Variants in AMPD3 observed in about 807,000 individuals in gnomAD.
The protein encoded by AMPD3 is AMP deaminase 3.
A neutral mutation model predicts 82.3 loss-of-function variants in AMPD3; 57 were observed. The observed-to-expected ratio is 0.69, with a 90% CI of 0.56 to 0.86. The LOEUF (loss-of-function observed/expected upper bound fraction) is 0.86. AMPD3 is among the 40% of genes least tolerant of loss of function. The pLI is 0.00. For synonymous variants in AMPD3, 381 were observed against 394.7 expected (o/e 0.97, Z 0.41); for missense variants, 870 against 1,003.8 (o/e 0.87, Z 1.80).
intron 2 of AMPD3, chr11:10,473,583 C>T: frequency 5.1e-6 from 5 of 985,394 alleles, no homozygotes; most frequent in Non-Finnish European, 6.0e-6. Context: ...CAAAGTTACA[C>T]CCACCTGGCC....
rs1378750965 is a variant in AMPD3, at chr11:10,456,739, GC to G, written c.-6+1292del. ...AACATGCAGCTGGAGCTGAAGCTCT[GC>G]TTGGCATCTGCAGAGTGAGCTTTCC... On this transcript the variant is annotated intron_variant, in intron 1 of 14. Coordinates refer to ENST00000396553, the MANE Select transcript of AMPD3 (RefSeq NM_001025389.2). This position sits in a 1 kb window ranked among gnomAD's most constrained non-coding sequence, Gnocchi z 4.3. 2.4e-5 allele frequency: 11 copies of G among 454,344 alleles called. No homozygotes were observed. In the East Asian group the frequency reaches 1.7e-3, roughly 71 times the overall value. The allele number at this position is 454,344 out of a possible 1,614,324, so 28.1% of individuals were successfully genotyped here.
At chr11:10,460,787 G>A in intron 1 of AMPD3, 1 of 610,946 alleles carries the variant, frequency 1.6e-6, no homozygotes, top group Non-Finnish European at 2.0e-6. Context: ...AAGCAAGCAA[G>A]AATGAAACCC....
At chr11:10,451,098 G>A (rs963623106), upstream of AMPD3, 2 of 1,545,746 alleles carry the variant, frequency 1.3e-6, no homozygotes, top group African/African-American at 2.7e-5. Flanking sequence ...CGGACCCTGC[G>A]GCCCAGGCGG....
At chr11:10,504,382 A>G (rs1849659637) in intron 13 of AMPD3, 167 bp from the exon 14 acceptor site, 1 of 469,752 alleles carries the variant, frequency 2.1e-6, no homozygotes. Flanking sequence ...ATGATTTTAC[A>G]GAAGAAAAGA....
At chr11:10,460,971 G>C in intron 1 of AMPD3, 5 of 985,424 alleles carry the variant, frequency 5.1e-6, no homozygotes, top group Non-Finnish European at 6.0e-6. Context: ...GTTTGGAACT[G>C]CAATAGCAGA....
intron 3 of AMPD3, 92 bp from the exon 4 acceptor site, chr11:10,481,971 A>G: frequency 1.3e-6 from 2 of 1,533,804 alleles, no homozygotes; most frequent in Non-Finnish European, 1.8e-6. Flanking sequence ...CCCAGATACC[A>G]GGCAAGGGCC....
In AMPD3 at chr11:10,504,633, G is replaced by A. The variant is rs764421503; in HGVS notation, c.2101G>A (p.Val701Met). ...CDLCEIARNSVLQSGLSHQEK... is the reference protein window; with the variant it reads ...CDLCEIARNSMLQSGLSHQEK... Reference sequence around the variant, plus strand: ...CCTGTGTGAGATCGCCAGGAACAGCGTGCTGCAGAGCGGCCTCTCGCATCA... The same window carrying A: ...CCTGTGTGAGATCGCCAGGAACAGCATGCTGCAGAGCGGCCTCTCGCATCA... Residue 701 changes from valine (V) to methionine (M), a missense_variant, in exon 14 of 15, where the codon GTG (valine) becomes ATG (methionine). By Grantham distance (21) the Val-to-Met change is conservative. Coordinates refer to ENST00000396553, the MANE Select transcript of AMPD3 (RefSeq NM_001025389.2). 1.5e-5 allele frequency: 25 copies of A among 1,614,042 alleles called. No homozygotes were observed. Among genetic ancestry groups the A allele is most frequent in the South Asian group, 9.9e-5 (9 of 91,082 alleles).
At chr11:10,467,486 T>C (rs1444000826) in intron 2 of AMPD3, among the ~76,000 whole-genome samples, 1 of 152,006 alleles carries the variant, frequency 6.6e-6, no homozygotes, top group Non-Finnish European at 1.5e-5. Context: ...TGAAAAGGAA[T>C]GAACAAAGCC....
intron 5 of AMPD3, among the ~76,000 whole-genome samples, chr11:10,485,260 T>C (rs1849034490): frequency 6.6e-6 from 1 of 152,056 alleles, no homozygotes; most frequent in South Asian, 2.1e-4. Context: ...CCCTCTTTTG[T>C]TTTTGAGGCA....
chr11:10,453,820 C>T (rs1848019144), upstream of AMPD3, among the ~76,000 whole-genome samples: 1 of 152,064 alleles, frequency 6.6e-6, no homozygotes, highest in South Asian at 2.1e-4. Flanking sequence ...ATCTCCTGAC[C>T]TTGTGATCCA....
chr11:10,470,877 C>A (rs1848569599), intron 2 of AMPD3, among the ~76,000 whole-genome samples: 1 of 152,262 alleles, frequency 6.6e-6, no homozygotes, highest in East Asian at 1.9e-4. Context: ...ATGAAAATGG[C>A]CATACTGCCC....
chr11:10,461,823 A>G, intron 2 of AMPD3, 83 bp downstream of exon 2: 2 of 1,317,070 alleles, frequency 1.5e-6, no homozygotes, highest in Non-Finnish European at 2.1e-6. Context: ...GATATGAGGC[A>G]CCTCATGGGG....
At chr11:10,493,132 G>A (rs980515994) in intron 6 of AMPD3, among the ~76,000 whole-genome samples, 1 of 152,174 alleles carries the variant, frequency 6.6e-6, no homozygotes, top group African/African-American at 2.4e-5. Flanking sequence ...AGATTTCCTG[G>A]TGCTGTAAGG....
At chr11:10,458,254 TAA>T (rs374036957) in intron 1 of AMPD3, among the ~76,000 whole-genome samples, 5 of 91,456 alleles carry the variant, frequency 5.5e-5, no homozygotes, top group African/African-American at 4.5e-5. Flanking sequence ...ACCTCATCTC[TAA>T]AAAAAAAAAA....
chr11:10,505,373 CTCAGGGGCT>C (rs978180272), intron 14 of AMPD3: 3 of 804,596 alleles, frequency 3.7e-6, no homozygotes, highest in Non-Finnish European at 4.1e-6. Flanking sequence ...CTTGTCAGCT[CTCAGGGGCT>C]TCTTAATTAG....
intron 2 of AMPD3, among the ~76,000 whole-genome samples, chr11:10,464,266 A>T (rs928302563): frequency 2.6e-5 from 4 of 152,206 alleles, no homozygotes; most frequent in African/African-American, 9.6e-5. Flanking sequence ...TAGCCTGTGT[A>T]GGTTGGATTC....
intron 3 of AMPD3, among the ~76,000 whole-genome samples, chr11:10,480,875 A>G (rs11042834): frequency 0.45 from 68,966 of 151,864 alleles, 16,262 homozygotes; most frequent in African/African-American, 0.52. Flanking sequence ...TGTTCCCCTT[A>G]CCCTGCATTG....
At chr11:10,494,208 T>C (rs1185328184) in intron 7 of AMPD3, among the ~76,000 whole-genome samples, 5 of 152,208 alleles carry the variant, frequency 3.3e-5, no homozygotes, top group Admixed American at 6.5e-5. Context: ...CAAAAGATTA[T>C]ACTAAATCGA....
intron 11 of AMPD3, chr11:10,500,926 A>T: frequency 1.0e-6 from 1 of 985,334 alleles, no homozygotes; most frequent in Non-Finnish European, 1.2e-6. Flanking sequence ...AGCTCAGCCT[A>T]AACTGGTGCT....
Sources: allele counts gnomAD v4.1 joint callset (sites outside exome capture counted in the v4.1 genomes callset), GRCh38; gene constraint gnomAD v4.1.1; non-coding constraint Gnocchi (gnomAD v3.1); transcripts MANE v1.5; gene names NCBI Gene and HGNC (gene_info 2026-07-23, HGNC 2026-07-21).